Variants in KIF16B observed in about 807,000 individuals in gnomAD.
KIF16B encodes the protein kinesin family member 16B.
A neutral mutation model predicts 156.3 loss-of-function variants in KIF16B; 98 were observed. The observed-to-expected ratio is 0.63, with a 90% CI of 0.53 to 0.74. The LOEUF (loss-of-function observed/expected upper bound fraction) is 0.74. KIF16B is among the 30% of genes least tolerant of loss of function. The pLI, the probability that KIF16B is intolerant of heterozygous loss-of-function variation, is 0.00. For missense variants in KIF16B, 1,421 were observed against 1,606.5 expected, an observed-to-expected ratio of 0.88 and a Z score of 1.97; for synonymous variants, 564 against 583.7, an observed-to-expected ratio of 0.97 and a Z score of 0.49.
chr20:16,479,275 T>C (rs1600503487), intron 12 of KIF16B, among the ~76,000 whole-genome samples: 1 of 152,158 alleles, frequency 6.6e-6, no homozygotes, highest in East Asian at 1.9e-4. Context: ...AAATACTGCA[T>C]GTTCTCACTT....
chr20:16,382,168 A>G (rs774225633), intron 17 of KIF16B: 1 of 1,278,662 alleles, frequency 7.8e-7, no homozygotes, highest in Non-Finnish European at 1.0e-6. Context: ...AAAGAGAGAG[A>G]GAGCACAGAC....
At chr20:16,276,829 C>A (rs896520340) in intron 25 of KIF16B, among the ~76,000 whole-genome samples, 2 of 152,238 alleles carry the variant, frequency 1.3e-5, no homozygotes. Context: ...GCTTAGGAAA[C>A]GTGCTGAGAG....
At chr20:16,366,705 A>T (rs1418279361) in intron 22 of KIF16B, 1 of 347,576 alleles carries the variant, frequency 2.9e-6, no homozygotes, top group Admixed American at 6.0e-5. Context: ...AATTATCCTA[A>T]TCACAGCTGA....
chr20:16,457,299 A>G (rs184563949), intron 12 of KIF16B, among the ~76,000 whole-genome samples: 1 of 152,228 alleles, frequency 6.6e-6, no homozygotes, highest in Non-Finnish European at 1.5e-5. Flanking sequence ...CCACTGCCAA[A>G]TGACAAATTA....
chr20:16,331,932 A>G lies in KIF16B; in HGVS notation c.3711+3994T>C, dbSNP rs1013821601. On this transcript the variant is annotated intron_variant, in intron 24 of 25. Coordinates refer to ENST00000354981, the MANE Select transcript of KIF16B (RefSeq NM_024704.5). Reference sequence around the variant, plus strand: ...TAATAAACATTGATCTCAAGTCTCAACAAATACTTAGCAAGTATTGACTAT... The same window carrying G: ...TAATAAACATTGATCTCAAGTCTCAGCAAATACTTAGCAAGTATTGACTAT... 2.6e-5 allele frequency among the ~76,000 whole-genome samples: 4 copies of G among 152,212 alleles called. No homozygotes were observed. In the East Asian group the frequency reaches 7.7e-4, roughly 29 times the overall value.
intron 1 of KIF16B, among the ~76,000 whole-genome samples, chr20:16,550,581 G>A (rs1247996576): frequency 7.1e-6 from 1 of 141,454 alleles, no homozygotes; most frequent in East Asian, 2.1e-4. Context: ...CACCCAGGCT[G>A]GAGTGCAGTG....
chr20:16,456,130 T>C (rs1183970734), intron 12 of KIF16B, among the ~76,000 whole-genome samples: 1 of 151,856 alleles, frequency 6.6e-6, no homozygotes, highest in African/African-American at 2.4e-5. Flanking sequence ...TACAATACAA[T>C]ACAATACAAT....
intron 8 of KIF16B, 28 bp downstream of exon 8, chr20:16,505,994 A>G (rs761802335): frequency 3.1e-6 from 5 of 1,612,806 alleles, no homozygotes; most frequent in Non-Finnish European, 4.2e-6. Context: ...GAGGAAACAG[A>G]GGAGGCAGGA....
intron 25 of KIF16B, among the ~76,000 whole-genome samples, chr20:16,311,854 T>A (rs1292531304): frequency 6.6e-6 from 1 of 152,210 alleles, no homozygotes; most frequent in East Asian, 1.9e-4. Flanking sequence ...GAGTTCTACA[T>A]GTAGTTGGCT....
In KIF16B at chr20:16,565,364, TGA is replaced by T. The variant is rs532716972; in HGVS notation, c.47+7863_47+7864del. ...TCTGGAAAATTTGACTGTACCTTCA[TGA>T]GAGAATGAAAAAATGGAATATAACA... On this transcript the variant is annotated intron_variant, in intron 1 of 25. Coordinates refer to ENST00000354981, the MANE Select transcript of KIF16B (RefSeq NM_024704.5). Among the ~76,000 whole-genome samples, 24 of 152,298 alleles carry T rather than the reference TGA, an allele frequency of 1.6e-4. No homozygotes were observed. The East Asian group carries it at 4.6e-3, about 29-fold the overall frequency.
chr20:16,436,881 C>A (rs1190912770), intron 12 of KIF16B, among the ~76,000 whole-genome samples: 3 of 152,108 alleles, frequency 2.0e-5, no homozygotes, highest in Non-Finnish European at 2.9e-5. Context: ...TAGGGGATTT[C>A]TTGAGCAAAG....
intron 25 of KIF16B, among the ~76,000 whole-genome samples, chr20:16,285,819 A>G (rs968997533): frequency 6.6e-6 from 1 of 152,160 alleles, no homozygotes; most frequent in Non-Finnish European, 1.5e-5. Context: ...CTGTCTCAAA[A>G]AAACAAAACA....
chr20:16,299,459 CT>C (rs1477917961), intron 25 of KIF16B, among the ~76,000 whole-genome samples: 8 of 152,148 alleles, frequency 5.3e-5, no homozygotes, highest in Non-Finnish European at 1.0e-4. Flanking sequence ...TTGTATTACC[CT>C]TTGCATGGTA....
intron 17 of KIF16B, among the ~76,000 whole-genome samples, chr20:16,396,747 G>A (rs1427407689): frequency 2.7e-5 from 4 of 145,590 alleles, no homozygotes; most frequent in African/African-American, 5.1e-5. Flanking sequence ...CTTCTTCCCC[G>A]ATTGTCGGTG....
At chr20:16,467,943 G>A (rs2067542378) in intron 12 of KIF16B, among the ~76,000 whole-genome samples, 1 of 152,132 alleles carries the variant, frequency 6.6e-6, no homozygotes. Flanking sequence ...GGCAGAAAAA[G>A]TGTGGAAGAC....
chr20:16,359,472 C>T (rs746634104), intron 22 of KIF16B, among the ~76,000 whole-genome samples: 1 of 152,098 alleles, frequency 6.6e-6, no homozygotes, highest in Admixed American at 6.6e-5. Flanking sequence ...TTCTACACAG[C>T]CTGCAGAACC....
chr20:16,397,414 C>CTA, intron 17 of KIF16B, among the ~76,000 whole-genome samples: 1 of 152,320 alleles, frequency 6.6e-6, no homozygotes, highest in Middle Eastern at 3.4e-3. Context: ...TGTTCCAACT[C>CTA]TATGTGCCCA....
At chr20:16,557,810 T>TA (rs1376849201) in intron 1 of KIF16B, among the ~76,000 whole-genome samples, 1 of 152,204 alleles carries the variant, frequency 6.6e-6, no homozygotes, top group Admixed American at 6.5e-5. Context: ...TCCTTGCCAA[T>TA]ATTTGAAAAT....
chr20:16,440,605 T>C (rs543244316), intron 12 of KIF16B, among the ~76,000 whole-genome samples: 8 of 133,416 alleles, frequency 6.0e-5, no homozygotes, highest in African/African-American at 2.2e-4. Flanking sequence ...TTAGAACCAA[T>C]GAGGAAGAGC....
Sources: allele counts gnomAD v4.1 joint callset (sites outside exome capture counted in the v4.1 genomes callset), GRCh38; gene constraint gnomAD v4.1.1; transcripts MANE v1.5; gene names NCBI Gene and HGNC (gene_info 2026-07-23, HGNC 2026-07-21).